Variants in FUT8 observed in about 807,000 individuals in gnomAD.
FUT8 encodes alpha-(1,6)-fucosyltransferase.
FUT8 carries 29 observed loss-of-function variants against 71.3 expected under a neutral mutation model. The ratio of observed to expected loss-of-function variants is 0.41; its 90% CI spans 0.30 to 0.55. The LOEUF (loss-of-function observed/expected upper bound fraction) is 0.55, where lower values mean the gene tolerates loss of function less well. Ranked by LOEUF, FUT8 falls within the 20% of genes least tolerant of loss-of-function variation. The probability of loss-of-function intolerance (pLI) is 0.34; values close to 1 mark genes in which losing one functional copy is unlikely to be tolerated. For synonymous variants in FUT8, 254 were observed against 239.3 expected (o/e 1.06, Z -0.57); for missense variants, 544 against 702.1 (o/e 0.77, Z 2.55).
chr14:65,422,527 T>C (rs2065314194), intron 1 of FUT8, among the ~76,000 whole-genome samples: 1 of 152,094 alleles, frequency 6.6e-6, no homozygotes, highest in African/African-American at 2.4e-5. Context: ...AGATAGGGTC[T>C]TGCTCAATTG....
chr14:65,704,998 G>A (rs753788051), intron 7 of FUT8, among the ~76,000 whole-genome samples: 4 of 152,192 alleles, frequency 2.6e-5, no homozygotes, highest in African/African-American at 4.8e-5. Flanking sequence ...TCATGAGAAT[G>A]CTGCCCAGTC....
chr14:65,624,614 G>GT (rs1889800684), intron 5 of FUT8, among the ~76,000 whole-genome samples: 2 of 152,134 alleles, frequency 1.3e-5, no homozygotes, highest in Admixed American at 1.3e-4. Context: ...AATGCTTTTT[G>GT]TTTCTGTATC....
the FUT8 span, among the ~76,000 whole-genome samples, chr14:65,388,619 G>A: frequency 2.6e-5 from 4 of 151,982 alleles, no homozygotes; most frequent in South Asian, 4.2e-4. Context: ...AAAATTAGCC[G>A]GGCGTGATGG....
chr14:65,633,031 C>T (rs1455735606), intron 6 of FUT8, among the ~76,000 whole-genome samples: 1 of 148,956 alleles, frequency 6.7e-6, no homozygotes, highest in Non-Finnish European at 1.5e-5. Context: ...CCAGGGTCTC[C>T]CTCTCCCTCT....
chr14:65,421,529 G>A (rs1337209875), intron 1 of FUT8, among the ~76,000 whole-genome samples: 2 of 152,162 alleles, frequency 1.3e-5, no homozygotes, highest in Non-Finnish European at 2.9e-5. Flanking sequence ...TATCAGAGAA[G>A]GGTCCATGTC....
At chr14:65,498,439 G>T (rs1443806402) in intron 2 of FUT8, among the ~76,000 whole-genome samples, 1 of 151,894 alleles carries the variant, frequency 6.6e-6, no homozygotes, top group Non-Finnish European at 1.5e-5. Flanking sequence ...CTGTAGTTTT[G>T]TTCATTATCA....
the FUT8 span, among the ~76,000 whole-genome samples, chr14:65,387,590 C>A: frequency 6.6e-6 from 1 of 152,186 alleles, no homozygotes; most frequent in Non-Finnish European, 1.5e-5. Context: ...TTGTTGAGTG[C>A]CTGTAAATTC....
At chr14:65,677,162 A>ACGTGTGTGTGTGTGTGTGTGTGTG (rs1555383298) in intron 7 of FUT8, among the ~76,000 whole-genome samples, 1 of 27,204 alleles carries the variant, frequency 3.7e-5, no homozygotes, top group African/African-American at 9.5e-5. Flanking sequence ...GCGCGCGCGC[A>ACGTGTGTGTGTGTGTGTGTGTGTG]TGCGCGCGCA....
chr14:65,370,500 G>A, the FUT8 span, among the ~76,000 whole-genome samples: 2 of 151,246 alleles, frequency 1.3e-5, no homozygotes, highest in Non-Finnish European at 2.9e-5. Flanking sequence ...GAGCCATTGC[G>A]CCCGGCCACA....
intron 3 of FUT8, among the ~76,000 whole-genome samples, chr14:65,562,592 T>C (rs552342209): frequency 5.3e-5 from 8 of 152,268 alleles, no homozygotes; most frequent in Admixed American, 3.3e-4. Flanking sequence ...TAGTATCTTA[T>C]ATGCGAAGAT....
intron 5 of FUT8, among the ~76,000 whole-genome samples, chr14:65,625,069 A>G (rs1420318391): frequency 6.6e-6 from 1 of 150,622 alleles, no homozygotes; most frequent in East Asian, 1.9e-4. Flanking sequence ...TCTGTCATAA[A>G]TAAATAAATA....
At chr14:65,434,852 A>G (rs887237518) in intron 1 of FUT8, among the ~76,000 whole-genome samples, 6 of 152,148 alleles carry the variant, frequency 3.9e-5, no homozygotes, top group African/African-American at 1.2e-4. Flanking sequence ...TTTCATTTTT[A>G]AATTATGCAT....
chr14:65,683,899 TTAAAC>T (rs1893156239), intron 7 of FUT8, among the ~76,000 whole-genome samples: 2 of 151,898 alleles, frequency 1.3e-5, no homozygotes, highest in Admixed American at 6.6e-5. Context: ...TATATAATCA[TTAAAC>T]TAATTAATGT....
intron 2 of FUT8, among the ~76,000 whole-genome samples, chr14:65,474,385 T>G (rs1007634985): frequency 7.0e-5 from 10 of 143,316 alleles, no homozygotes; most frequent in Admixed American, 2.2e-4. Flanking sequence ...GGCGGATCAC[T>G]TGAGGTCAGG....
Position 65,483,963 on chromosome 14 carries a change from AG to A in FUT8, c.-228+28246del, listed in dbSNP as rs777892130. ...GGCTGGTCTCGAACTCCTGACCTCAAGTATCTGCCCTCCTCGGCCTCCCAAA... is the reference window on the plus strand; with the variant it reads ...GGCTGGTCTCGAACTCCTGACCTCAATATCTGCCCTCCTCGGCCTCCCAAA... On this transcript the variant is annotated intron_variant, in intron 2 of 10. Coordinates refer to ENST00000673929, the MANE Select transcript of FUT8 (RefSeq NM_001371533.1). This position sits in a 1 kb window ranked among gnomAD's most constrained non-coding sequence, Gnocchi z 4.4. 1.0e-3 allele frequency among the ~76,000 whole-genome samples: 153 copies of A among 152,248 alleles called. No individual in the cohort carries two copies. Among genetic ancestry groups the A allele is most frequent in the Non-Finnish European group, 1.9e-3 (127 of 68,000 alleles).
At chr14:65,729,090 A>G (rs1329796366) in intron 9 of FUT8, among the ~76,000 whole-genome samples, 1 of 142,576 alleles carries the variant, frequency 7.0e-6, no homozygotes, top group African/African-American at 2.7e-5. Flanking sequence ...CGTTGGTGCA[A>G]GCATGGCTCA....
intron 6 of FUT8, among the ~76,000 whole-genome samples, chr14:65,656,904 A>C (rs1891710696): frequency 6.6e-6 from 1 of 152,224 alleles, no homozygotes; most frequent in Non-Finnish European, 1.5e-5. Flanking sequence ...CACTGGGGAA[A>C]GGAAAGTCTC....
the FUT8 span, among the ~76,000 whole-genome samples, chr14:65,369,356 C>T: frequency 8.5e-5 from 13 of 152,262 alleles, no homozygotes; most frequent in Admixed American, 4.6e-4. This position sits in a 1 kb window ranked among gnomAD's most constrained non-coding sequence, Gnocchi z 4.6. Flanking sequence ...TTTTAAATTT[C>T]GAGATTGTGT....
At chr14:65,733,482 G>A in intron 10 of FUT8, 101 bp downstream of exon 10, 1 of 812,640 alleles carries the variant, frequency 1.2e-6, no homozygotes, top group South Asian at 2.8e-5. Flanking sequence ...GTTCATTATT[G>A]TGACTCAGGT....
Sources: gnomAD v4.1 joint callset for allele counts (sites outside exome capture counted in the v4.1 genomes callset) on GRCh38, gnomAD v4.1.1 for gene constraint, Gnocchi (gnomAD v3.1) non-coding constraint, MANE v1.5 for transcripts, NCBI Gene and HGNC (gene_info 2026-07-23, HGNC 2026-07-21) for gene names.